Variants in ZNF365 observed in about 807,000 individuals in gnomAD.
ZNF365 encodes protein ZNF365.
ZNF365 carries 22 observed loss-of-function variants against 35.0 expected under a neutral mutation model. The ratio of observed to expected loss-of-function variants is 0.63; its 90% CI spans 0.45 to 0.90. The LOEUF (loss-of-function observed/expected upper bound fraction) is 0.90. Among genes scored for constraint, ZNF365 ranks in the 40% least tolerant of loss-of-function variants. The pLI is 0.00. For synonymous variants in ZNF365, 188 were observed against 196.2 expected (o/e 0.96, Z 0.35); for missense variants, 448 against 500.3 (o/e 0.90, Z 1.00).
chr10:62,407,916 C>T (rs994904969), intron 3 of ZNF365, among the ~76,000 whole-genome samples: 1 of 151,700 alleles, frequency 6.6e-6, no homozygotes, highest in South Asian at 2.1e-4. Flanking sequence ...GTCTACCTAC[C>T]CAAACTTTTA....
At chr10:62,430,649 G>C (rs548133234) in intron 3 of ZNF365, among the ~76,000 whole-genome samples, 1 of 152,210 alleles carries the variant, frequency 6.6e-6, no homozygotes, top group South Asian at 2.1e-4. Flanking sequence ...ATGGTATTTT[G>C]GTGACAACTT....
chr10:62,451,666 G>A (rs1840685945), intron 3 of ZNF365, among the ~76,000 whole-genome samples: 1 of 152,288 alleles, frequency 6.6e-6, no homozygotes, highest in African/African-American at 2.4e-5. Context: ...GCAGGGGCTT[G>A]GCTACAGTTC....
intron 3 of ZNF365, among the ~76,000 whole-genome samples, chr10:62,392,942 A>C (rs929115296): frequency 6.6e-5 from 10 of 151,912 alleles, no homozygotes; most frequent in Admixed American, 1.3e-4. Context: ...CTATGTGCTT[A>C]TTTTTATACC....
At chr10:62,466,172 C>G (rs1479345429) in intron 4 of ZNF365, among the ~76,000 whole-genome samples, 2 of 152,210 alleles carry the variant, frequency 1.3e-5, no homozygotes, top group African/African-American at 2.4e-5. Context: ...GCTTCCCGAA[C>G]CTGAGCTGTG....
chr10:62,378,219 C>G (rs1328509786), intron 2 of ZNF365, among the ~76,000 whole-genome samples: 1 of 152,048 alleles, frequency 6.6e-6, no homozygotes, highest in Non-Finnish European at 1.5e-5. Flanking sequence ...CCAGAGTGAC[C>G]CGCACTGTGC....
intron 3 of ZNF365, among the ~76,000 whole-genome samples, chr10:62,395,928 T>C (rs1313147366): frequency 6.6e-6 from 1 of 152,180 alleles, no homozygotes; most frequent in African/African-American, 2.4e-5. Flanking sequence ...GATCAAAGGC[T>C]CTTTTGATCC....
intron 3 of ZNF365, among the ~76,000 whole-genome samples, chr10:62,397,465 T>C (rs2132426942): frequency 6.6e-6 from 1 of 152,338 alleles, no homozygotes; most frequent in African/African-American, 2.4e-5. Context: ...CTTCTGTTGG[T>C]CTGCCTGCTA....
At chr10:62,380,746 A>G (rs1172216482) in intron 2 of ZNF365, among the ~76,000 whole-genome samples, 1 of 152,230 alleles carries the variant, frequency 6.6e-6, no homozygotes, top group African/African-American at 2.4e-5. Flanking sequence ...AAGAGTATTC[A>G]GAGCTGGTGG....
intron 3 of ZNF365, among the ~76,000 whole-genome samples, chr10:62,426,264 A>G (rs1330289341): frequency 2.0e-5 from 3 of 152,142 alleles, no homozygotes; most frequent in Non-Finnish European, 4.4e-5. Flanking sequence ...GATCAGTGCC[A>G]TGCTAATCTG....
rs201202408 is a variant in ZNF365 at position 62,453,138 on chromosome 10, A to AT, written c.925-6597dup. Among the ~76,000 whole-genome samples the AT allele has an allele frequency of 4.3e-3, 655 of 152,324 alleles. 4 individuals carry two copies. The highest frequency in any genetic ancestry group is 0.015 in the African/African-American group (626 of 41,572). On this transcript the variant is annotated intron_variant, in intron 3 of 4. Coordinates refer to the ZNF365 transcript ENST00000395255. Reference sequence around the variant, plus strand: ...CTTGGAGTTTGTACATCTTTAAAAAATTTTTTAAATAAATTGATGAGGTAC... The same window carrying AT: ...CTTGGAGTTTGTACATCTTTAAAAAATTTTTTTAAATAAATTGATGAGGTAC...
At chr10:62,376,978 G>A (rs534989737) in intron 2 of ZNF365, 42 bp downstream of exon 2, 1 of 1,574,978 alleles carries the variant, frequency 6.3e-7, no homozygotes, top group Non-Finnish European at 8.6e-7. Flanking sequence ...ATTGCTTTAA[G>A]CAGCACCCCA....
intron 2 of ZNF365, among the ~76,000 whole-genome samples, chr10:62,387,500 A>G (rs957936578): frequency 5.3e-5 from 8 of 152,222 alleles, no homozygotes; most frequent in African/African-American, 1.7e-4. Flanking sequence ...TAAAAATGAA[A>G]GCAAAATATA....
intron 3 of ZNF365, among the ~76,000 whole-genome samples, chr10:62,408,350 A>C (rs1455436259): frequency 6.6e-6 from 1 of 152,166 alleles, no homozygotes; most frequent in East Asian, 1.9e-4. Context: ...AAACAGTCTG[A>C]ATGGTGGTAA....
chr10:62,433,340 A>T (rs1840360992), intron 3 of ZNF365, among the ~76,000 whole-genome samples: 1 of 152,164 alleles, frequency 6.6e-6, no homozygotes, highest in South Asian at 2.1e-4. Context: ...AAGTCAGCTG[A>T]ATCACCTGCT....
At chr10:62,438,181 GT>G in intron 3 of ZNF365, among the ~76,000 whole-genome samples, 1 of 147,892 alleles carries the variant, frequency 6.8e-6, no homozygotes, top group South Asian at 2.1e-4. Flanking sequence ...GTATTTTCTT[GT>G]TTTTGTTTTT....
rs1839843686 is a variant in ZNF365, at chr10:62,402,392, A to G, written c.*2603A>G. The G allele has an allele frequency of 2.0e-6, 2 of 984,984 alleles. No homozygotes were observed. Among genetic ancestry groups the G allele is most frequent in the South Asian group, 9.4e-5 (2 of 21,274 alleles). The allele number at this position is 984,984 out of a possible 1,614,324, so 61.0% of individuals were successfully genotyped here. A position where few individuals can be genotyped will look rare whatever the true frequency, so the allele number is the denominator to read the frequency against. Reference sequence around the variant, plus strand: ...CAGAAGTTGGAATATTCTGTTCCAGAATTAAAGAAGTTTTTAGATTATGAA... The same window carrying G: ...CAGAAGTTGGAATATTCTGTTCCAGGATTAAAGAAGTTTTTAGATTATGAA... On this transcript the variant is annotated 3_prime_UTR_variant, in exon 5 of 5. Coordinates refer to ENST00000395254, the MANE Select transcript of ZNF365 (RefSeq NM_014951.3).
At chr10:62,425,852 C>A (rs1200006702) in intron 3 of ZNF365, among the ~76,000 whole-genome samples, 1 of 152,202 alleles carries the variant, frequency 6.6e-6, no homozygotes, top group Non-Finnish European at 1.5e-5. Context: ...ATGGTGCTGA[C>A]TGCTATAGCC....
chr10:62,445,946 T>C (rs2132468760), intron 3 of ZNF365, among the ~76,000 whole-genome samples: 1 of 152,332 alleles, frequency 6.6e-6, no homozygotes, highest in African/African-American at 2.4e-5. Flanking sequence ...CCAGGAACTC[T>C]GGTCTTGTCT....
chr10:62,447,171 T>G (rs1223210327), intron 3 of ZNF365, among the ~76,000 whole-genome samples: 3 of 152,174 alleles, frequency 2.0e-5, no homozygotes, highest in African/African-American at 7.2e-5. Context: ...TTTTAATAAT[T>G]GAGTACAAAA....
Sources: gnomAD v4.1 joint callset for allele counts (sites outside exome capture counted in the v4.1 genomes callset) on GRCh38, gnomAD v4.1.1 for gene constraint, MANE v1.5 for transcripts, NCBI Gene and HGNC (gene_info 2026-07-23, HGNC 2026-07-21) for gene names.